MGAT4C: variants seen among roughly 807,000 people sequenced by gnomAD.
MGAT4C encodes MGAT4 family member C.
A neutral mutation model predicts 40.1 loss-of-function variants in MGAT4C; 19 were observed. That is an observed-to-expected ratio of 0.47 (90% CI 0.33 to 0.70). MGAT4C has a LOEUF of 0.70. Ranked by LOEUF, MGAT4C falls within the 30% of genes least tolerant of loss-of-function variation. The pLI is 0.02. For synonymous variants in MGAT4C, 181 were observed against 187.1 expected, an observed-to-expected ratio of 0.97 and a Z score of 0.27; for missense variants, 491 against 563.2, an observed-to-expected ratio of 0.87 and a Z score of 1.30.
At chr12:86,747,026 G>A (rs907099469) in intron 1 of MGAT4C, among the ~76,000 whole-genome samples, 11 of 151,640 alleles carry the variant, frequency 7.3e-5, no homozygotes, top group African/African-American at 2.7e-4. Context: ...AAATATAAAT[G>A]AAGTGATGAG....
chr12:86,106,295 T>C (rs1876157952), intron 1 of MGAT4C, among the ~76,000 whole-genome samples: 1 of 152,038 alleles, frequency 6.6e-6, no homozygotes, highest in Non-Finnish European at 1.5e-5. Flanking sequence ...TTTAGTTTAG[T>C]TTTTTAGGTT....
intron 2 of MGAT4C, among the ~76,000 whole-genome samples, chr12:85,998,413 G>A (rs1051980509): frequency 5.9e-5 from 9 of 152,178 alleles, no homozygotes; most frequent in African/African-American, 2.2e-4. Flanking sequence ...CAGCTGGCTT[G>A]CGTTTCTCTT....
At chr12:86,676,653 T>C (rs1479232499) in intron 2 of MGAT4C, among the ~76,000 whole-genome samples, 1 of 151,016 alleles carries the variant, frequency 6.6e-6, no homozygotes, top group Non-Finnish European at 1.5e-5. Context: ...TGTAGATGAG[T>C]TTGTCATTCA....
intron 1 of MGAT4C, among the ~76,000 whole-genome samples, chr12:86,076,867 C>A (rs1869831119): frequency 6.6e-6 from 1 of 152,108 alleles, no homozygotes; most frequent in Non-Finnish European, 1.5e-5. Context: ...AATAAGCCAT[C>A]TGCAGGCTGA....
At chr12:86,287,992 C>T (rs1344278595) in intron 4 of MGAT4C, among the ~76,000 whole-genome samples, 1 of 152,134 alleles carries the variant, frequency 6.6e-6, no homozygotes, top group Non-Finnish European at 1.5e-5. Flanking sequence ...CCTATTTCTC[C>T]ACATCCTCTC....
chr12:86,823,946 C>T (rs569018133), intron 1 of MGAT4C, among the ~76,000 whole-genome samples: 1 of 151,350 alleles, frequency 6.6e-6, no homozygotes, highest in Non-Finnish European at 1.5e-5. Flanking sequence ...TGCAGGTTTT[C>T]AGTTGCAACC....
intron 1 of MGAT4C, among the ~76,000 whole-genome samples, chr12:86,834,638 C>CACACACACACACACACA (rs1953000825): frequency 8.9e-6 from 1 of 112,912 alleles, no homozygotes; most frequent in Admixed American, 8.9e-5. Flanking sequence ...ACACACACAC[C>CACACACACACACACACA]CCTTTACAGA....
intron 2 of MGAT4C, among the ~76,000 whole-genome samples, chr12:86,559,026 G>A (rs960578580): frequency 2.0e-5 from 3 of 151,802 alleles, no homozygotes; most frequent in Non-Finnish European, 2.9e-5. Context: ...GAAACCAAAT[G>A]TGAGCAGGCA....
intron 2 of MGAT4C, among the ~76,000 whole-genome samples, chr12:86,564,500 T>C (rs555529743): frequency 6.6e-6 from 1 of 152,304 alleles, no homozygotes; most frequent in Admixed American, 6.5e-5. Context: ...ATTATGCTGA[T>C]TGGGTCCAGT....
chr12:86,203,055 T>TG (rs1566138917), intron 1 of MGAT4C, among the ~76,000 whole-genome samples: 57 of 145,022 alleles, frequency 3.9e-4, no homozygotes, highest in African/African-American at 1.1e-3. Flanking sequence ...TGTGTGTGTG[T>TG]TTTTACATAG....
At chr12:86,579,382 T>G (rs1284588170) in intron 2 of MGAT4C, among the ~76,000 whole-genome samples, 1 of 151,594 alleles carries the variant, frequency 6.6e-6, no homozygotes, top group Non-Finnish European at 1.5e-5. Context: ...GCCATAATTT[T>G]AACCTGATAT....
intron 3 of MGAT4C, among the ~76,000 whole-genome samples, chr12:86,358,682 C>T (rs1333906912): frequency 6.6e-6 from 1 of 152,176 alleles, no homozygotes; most frequent in Non-Finnish European, 1.5e-5. Flanking sequence ...CAATCCTAGT[C>T]TCTGATGAAA....
At position 86,652,619 on chromosome 12, in the gene MGAT4C, A is replaced by G. The variant is rs1298685227; in HGVS notation, c.-229+74590T>C. On this transcript the variant is annotated intron_variant, in intron 2 of 7. Transcript: ENST00000548651. ...ATAAACAACAGTTTCAAGTGTCCAT[A>G]TATTTGGCACTATTGTTGCTGACAA... Among the ~76,000 whole-genome samples, 8 of 151,906 alleles carry G rather than the reference A, an allele frequency of 5.3e-5. No homozygotes were observed. The East Asian group carries it at 1.4e-3, about 26-fold the overall frequency.
At chr12:86,780,022 C>T (rs1951810977) in intron 1 of MGAT4C, among the ~76,000 whole-genome samples, 1 of 151,872 alleles carries the variant, frequency 6.6e-6, no homozygotes, top group Non-Finnish European at 1.5e-5. Flanking sequence ...TACAGCTTTC[C>T]TATAAAATGA....
At chr12:86,221,581 G>T (rs1950878729) in intron 1 of MGAT4C, among the ~76,000 whole-genome samples, 1 of 152,118 alleles carries the variant, frequency 6.6e-6, no homozygotes, top group Non-Finnish European at 1.5e-5. Context: ...ATCTAAGTTA[G>T]TATATATAAA....
At chr12:86,796,178 A>C (rs376009541) in intron 1 of MGAT4C, among the ~76,000 whole-genome samples, 2 of 150,128 alleles carry the variant, frequency 1.3e-5, no homozygotes, top group East Asian at 3.9e-4. Flanking sequence ...CTCACACTTG[A>C]TGTGTCACCA....
chr12:86,673,851 TTTAA>T lies in MGAT4C; in HGVS notation c.-229+53354_-229+53357del, dbSNP rs145712750. On this transcript the variant is annotated intron_variant, in intron 2 of 7. Transcript: ENST00000548651. Reference sequence around the variant, plus strand: ...AAAAAAACATTATCAATTAGCTACCTTTAATTATATGAACATTTTTTATGAAGGG... The same window carrying T: ...AAAAAAACATTATCAATTAGCTACCTTTATATGAACATTTTTTATGAAGGG... 3.1e-3 allele frequency among the ~76,000 whole-genome samples: 479 copies of T among 152,192 alleles called. 1 individual carries two copies. The highest frequency in any genetic ancestry group is 0.011 in the African/African-American group (463 of 41,564).
intron 3 of MGAT4C, among the ~76,000 whole-genome samples, chr12:86,347,338 A>C (rs1333661183): frequency 6.6e-6 from 1 of 152,180 alleles, no homozygotes; most frequent in African/African-American, 2.4e-5. Flanking sequence ...ATTAAGTATA[A>C]AAAAACACAT....
chr12:86,768,041 A>G lies in MGAT4C; in HGVS notation c.-261-40800T>C, dbSNP rs190929720. On this transcript the variant is annotated intron_variant, in intron 1 of 7. Coordinates refer to the MGAT4C transcript ENST00000548651. Reference sequence around the variant, plus strand: ...GGGCAATTAGGCAGGAGAAGGAAATAAAGAGTATTCAATTAGGAAAAGAGG... The same window carrying G: ...GGGCAATTAGGCAGGAGAAGGAAATGAAGAGTATTCAATTAGGAAAAGAGG... Among the ~76,000 whole-genome samples the G allele has an allele frequency of 7.0e-4, 106 of 152,334 alleles. 2 individuals carry two copies. Among genetic ancestry groups the G allele is most frequent in the Admixed American group, 1.8e-3 (27 of 15,294 alleles).
Sources: allele counts gnomAD v4.1 joint callset (sites outside exome capture counted in the v4.1 genomes callset), GRCh38; gene constraint gnomAD v4.1.1; transcripts MANE v1.5; gene names NCBI Gene and HGNC (gene_info 2026-07-23, HGNC 2026-07-21).